The following FANCC variants were observed in gnomAD, a reference collection of about 807,000 sequenced individuals.
The protein encoded by FANCC is Fanconi anemia group C protein.
FANCC carries 55 observed loss-of-function variants against 71.3 expected under a neutral mutation model. The observed-to-expected ratio is 0.77, with a 90% CI of 0.62 to 0.97. FANCC has a LOEUF of 0.97. FANCC is among the 50% of genes least tolerant of loss of function. FANCC has a pLI of 0.00. For synonymous variants in FANCC, 275 were observed against 244.9 expected (o/e 1.12, Z -1.15); for missense variants, 678 against 670.9 (o/e 1.01, Z -0.12).
intron 7 of FANCC, chr9:95,145,453 G>A (rs1829399965): frequency 6.6e-6 from 1 of 152,166 alleles, no homozygotes; most frequent in African/African-American, 2.4e-5. Context: ...GAAAACGCCA[G>A]CTCTCTCGAT....
chr9:95,170,637 C>T (rs1249119829), intron 6 of FANCC, among the ~76,000 whole-genome samples: 7 of 124,358 alleles, frequency 5.6e-5, no homozygotes, highest in South Asian at 3.0e-4. Context: ...TTGTAAATAT[C>T]GTGTGTGTGT....
At chr9:95,201,742 A>G (rs1201058803) in intron 4 of FANCC, among the ~76,000 whole-genome samples, 1 of 152,254 alleles carries the variant, frequency 6.6e-6, no homozygotes, top group African/African-American at 2.4e-5. Context: ...CTAGTGATTT[A>G]AATTTGTTCC....
chr9:95,308,242 A>AT (rs199908461), intron 1 of FANCC, among the ~76,000 whole-genome samples: 12 of 150,670 alleles, frequency 8.0e-5, no homozygotes, highest in African/African-American at 1.5e-4. Context: ...CTTAGGCTTA[A>AT]TTTTTTTTTC....
chr9:95,181,341 TCAAA>T (rs1393124166), intron 4 of FANCC, among the ~76,000 whole-genome samples: 3 of 152,172 alleles, frequency 2.0e-5, no homozygotes, highest in Non-Finnish European at 4.4e-5. Flanking sequence ...TACGTAGTTT[TCAAA>T]CAGACACCTC....
intron 6 of FANCC, among the ~76,000 whole-genome samples, chr9:95,151,461 C>T (rs1431873795): frequency 6.6e-6 from 1 of 152,128 alleles, no homozygotes; most frequent in African/African-American, 2.4e-5. Context: ...TGTAGCTGTT[C>T]CTCATTCTTA....
At chr9:95,176,182 C>G (rs1391369199) in intron 4 of FANCC, among the ~76,000 whole-genome samples, 4 of 152,204 alleles carry the variant, frequency 2.6e-5, no homozygotes, top group Non-Finnish European at 5.9e-5. Flanking sequence ...GTTTAAGCAG[C>G]CTGCCCAAGG....
intron 4 of FANCC, among the ~76,000 whole-genome samples, chr9:95,235,280 A>T (rs1830242959): frequency 1.3e-5 from 2 of 152,246 alleles, no homozygotes; most frequent in South Asian, 4.1e-4. Context: ...CTGATGCATG[A>T]TGAAGGTGGC....
At chr9:95,172,555 T>C (rs756859163) in intron 4 of FANCC, among the ~76,000 whole-genome samples, 11 of 152,220 alleles carry the variant, frequency 7.2e-5, no homozygotes, top group Non-Finnish European at 1.5e-4. Flanking sequence ...TGCACACACA[T>C]GCGTGAAACA....
At chr9:95,147,106 T>C (rs1399817961) in intron 7 of FANCC, among the ~76,000 whole-genome samples, 2 of 151,752 alleles carry the variant, frequency 1.3e-5, no homozygotes, top group African/African-American at 4.8e-5. Context: ...TTTACAATAT[T>C]CTATTTGAAA....
intron 6 of FANCC, among the ~76,000 whole-genome samples, chr9:95,154,478 ATTAT>A (rs760843504): frequency 1.3e-5 from 2 of 152,208 alleles, no homozygotes; most frequent in African/African-American, 2.4e-5. Flanking sequence ...TGAATAAATG[ATTAT>A]TTATTTACAG....
Position 95,125,167 on chromosome 9 carries a change from G to C in FANCC, c.915C>G (p.Thr305=). Reference sequence around the variant, plus strand: ...TGGCTATGATTTCCAGGGCCCCATCGGTTTCCAGGAGTGCACACCTGAACA... The same window carrying C: ...TGGCTATGATTTCCAGGGCCCCATCCGTTTCCAGGAGTGCACACCTGAACA... The part of the protein sequence containing the change: ...DEMFRCALLE[T]DGALEIIATI... Residue 305 remains threonine (T), a synonymous_variant, in exon 10 of 15, where the codon ACC becomes ACG. Transcript: ENST00000289081. The C allele has an allele frequency of 6.2e-7, 1 of 1,614,106 alleles. No homozygotes were observed. The highest frequency in any genetic ancestry group is 1.1e-5 in the South Asian group (1 of 91,076).
chr9:95,186,518 C>G (rs1216456708), intron 4 of FANCC: 6 of 152,172 alleles, frequency 3.9e-5, no homozygotes, highest in Non-Finnish European at 7.3e-5. Context: ...GAACATTCAT[C>G]TTGTCTTTGG....
At chr9:95,178,319 CAT>C (rs1337146755) in intron 4 of FANCC, among the ~76,000 whole-genome samples, 1 of 152,210 alleles carries the variant, frequency 6.6e-6, no homozygotes, top group Non-Finnish European at 1.5e-5. Flanking sequence ...AACGTCCAGA[CAT>C]GTGCCAGAAT....
chr9:95,118,534 A>G (rs1310471350), intron 10 of FANCC, among the ~76,000 whole-genome samples: 2 of 152,210 alleles, frequency 1.3e-5, no homozygotes, highest in Middle Eastern at 3.2e-3. Context: ...ACACATTTCT[A>G]TCACGCCAAA....
At chr9:95,202,158 A>G (rs916440998) in intron 4 of FANCC, among the ~76,000 whole-genome samples, 2 of 152,332 alleles carry the variant, frequency 1.3e-5, no homozygotes, top group African/African-American at 4.8e-5. Flanking sequence ...AAGCTCGGAG[A>G]AGGAGGAAAA....
chr9:95,105,851 TCA>T (rs969181374), intron 14 of FANCC, among the ~76,000 whole-genome samples: 5 of 152,224 alleles, frequency 3.3e-5, no homozygotes, highest in Non-Finnish European at 5.9e-5. Flanking sequence ...TGGGTACAGA[TCA>T]CACGGTGCAT....
chr9:95,219,266 A>T (rs536719604), intron 4 of FANCC, among the ~76,000 whole-genome samples: 1 of 152,342 alleles, frequency 6.6e-6, no homozygotes, highest in Non-Finnish European at 1.5e-5. Context: ...AAGCAGCAGG[A>T]GTAAGGCTCT....
chr9:95,227,247 C>T (rs1485955321), intron 4 of FANCC, among the ~76,000 whole-genome samples: 1 of 152,146 alleles, frequency 6.6e-6, no homozygotes, highest in Non-Finnish European at 1.5e-5. Flanking sequence ...TTTGTCTTTC[C>T]AACTTGCCTT....
chr9:95,298,875 A>C (rs1834553733), intron 1 of FANCC, among the ~76,000 whole-genome samples: 1 of 152,218 alleles, frequency 6.6e-6, no homozygotes, highest in South Asian at 2.1e-4. Context: ...CTTGTACCAC[A>C]AACGCAATCC....
Sources: allele counts gnomAD v4.1 joint callset (sites outside exome capture counted in the v4.1 genomes callset), GRCh38; gene constraint gnomAD v4.1.1; transcripts MANE v1.5; gene names NCBI Gene and HGNC (gene_info 2026-07-23, HGNC 2026-07-21).